Variants in FECH observed in about 807,000 individuals in gnomAD.
FECH encodes the protein ferrochelatase, also known as ferrochelatase, mitochondrial.
FECH carries 40 observed loss-of-function variants against 56.9 expected under a neutral mutation model. That is an observed-to-expected ratio of 0.70 (90% CI 0.55 to 0.92). The LOEUF (loss-of-function observed/expected upper bound fraction) is 0.92, where lower values mean the gene tolerates loss of function less well. Among genes scored for constraint, FECH ranks in the 40% least tolerant of loss-of-function variants. FECH has a pLI of 0.00. For synonymous variants in FECH, 175 were observed against 198.6 expected (o/e 0.88, Z 1.00); for missense variants, 431 against 529.1 (o/e 0.81, Z 1.82).
At chr18:57,563,632 G>A (rs1173406630) in intron 5 of FECH, among the ~76,000 whole-genome samples, 1 of 137,174 alleles carries the variant, frequency 7.3e-6, no homozygotes, top group Non-Finnish European at 1.6e-5. Flanking sequence ...CAGTTACAAA[G>A]GTTATCAATC....
rs1047520726 is a variant in FECH at position 57,547,856 on chromosome 18, G to A, written c.*2856C>T. ...TCCCTATGTTGCCCAGGCTGGTCTT[G>A]AACTCTTGGGATCAAGCAATCCTCC... is the stretch of plus-strand genomic sequence containing the variant. On this transcript the variant is annotated 3_prime_UTR_variant, in exon 11 of 11. Transcript: ENST00000262093. 1.3e-5 allele frequency among the ~76,000 whole-genome samples: 2 copies of A among 151,998 alleles called. No homozygotes were observed. The highest frequency in any genetic ancestry group is 1.3e-4 in the Admixed American group (2 of 15,262).
intron 2 of FECH, among the ~76,000 whole-genome samples, chr18:57,576,938 G>A (rs2051193609): frequency 6.6e-6 from 1 of 152,094 alleles, no homozygotes; most frequent in Admixed American, 6.5e-5. Flanking sequence ...ATATAAAAGT[G>A]TATACAGCAA....
intron 1 of FECH, among the ~76,000 whole-genome samples, chr18:57,582,964 G>A (rs1293861391): frequency 2.0e-5 from 3 of 151,818 alleles, no homozygotes; most frequent in South Asian, 2.1e-4. Flanking sequence ...TTTCCAACTA[G>A]TAGATGAGGA....
chr18:57,582,924 G>A (rs1460452735), intron 1 of FECH, among the ~76,000 whole-genome samples: 4 of 150,606 alleles, frequency 2.7e-5, no homozygotes, highest in African/African-American at 9.8e-5. Context: ...AAAAAAAAAA[G>A]AAGAAGGAAG....
intron 1 of FECH, among the ~76,000 whole-genome samples, chr18:57,581,546 G>A (rs2051278053): frequency 6.6e-6 from 1 of 152,226 alleles, no homozygotes; most frequent in African/African-American, 2.4e-5. Context: ...CTCCTAAGAG[G>A]CAAAGGTGCC....
chr18:57,586,670 C>A lies in FECH; in HGVS notation c.-50G>T. The A allele has an allele frequency of 6.8e-7, 1 of 1,472,002 alleles. No homozygotes were observed. The highest frequency in any genetic ancestry group is 9.0e-7 in the Non-Finnish European group (1 of 1,112,352). The allele number at this position is 1,472,002 out of a possible 1,614,324, so 91.2% of individuals were successfully genotyped here. On this transcript the variant is annotated 5_prime_UTR_variant, in exon 1 of 11. Coordinates refer to ENST00000262093, the MANE Select transcript of FECH (RefSeq NM_000140.5). ...CCGGGCTCCTCCCGCGGCGGCGCGC[C>A]CAGGTGTCCGCCCAGCAGTGGCCGA...
At chr18:57,554,567 T>C in intron 8 of FECH, 143 bp from the exon 9 acceptor site, 1 of 919,420 alleles carries the variant, frequency 1.1e-6, no homozygotes, top group Non-Finnish European at 1.8e-6. Flanking sequence ...TTTGATATTT[T>C]CACATGGAAA....
chr18:57,577,358 C>T (rs1336094159), intron 2 of FECH, among the ~76,000 whole-genome samples: 1 of 152,186 alleles, frequency 6.6e-6, no homozygotes, highest in African/African-American at 2.4e-5. Context: ...TGAATAGCAG[C>T]AAAAGACAGA....
intron 7 of FECH, among the ~76,000 whole-genome samples, chr18:57,555,506 A>G (rs911550635): frequency 2.4e-4 from 37 of 152,194 alleles, no homozygotes; most frequent in African/African-American, 8.2e-4. Context: ...TCCTGCAACA[A>G]TGGACAACAG....
intron 7 of FECH, 94 bp downstream of exon 7, chr18:57,559,051 G>A: frequency 1.2e-6 from 1 of 846,054 alleles, no homozygotes; most frequent in Non-Finnish European, 2.0e-6. Context: ...CTGGGCTTAG[G>A]ACATAATGGA....
chr18:57,566,461 C>A lies in FECH; in HGVS notation c.584G>T (p.Ser195Ile). Residue 195 changes from serine (S) to isoleucine (I), a missense_variant, in exon 5 of 11, where the codon AGC (serine) becomes ATC (isoleucine). Physicochemically the swap from Ser to Ile is moderately radical, Grantham distance 142. Coordinates refer to ENST00000262093, the MANE Select transcript of FECH (RefSeq NM_000140.5). ...AIAFTQYPQYSCSTTGSSLNA... is the reference protein window; with the variant it reads ...AIAFTQYPQYICSTTGSSLNA... ...GATGCCCTTACCTGTGGTGGAGCAG[C>A]TGTACTGTGGATACTGTGTGAAAGC... is the stretch of plus-strand genomic sequence containing the variant. The A allele has an allele frequency of 6.2e-7, 1 of 1,614,204 alleles. No homozygotes were observed. The highest frequency in any genetic ancestry group is 8.5e-7 in the Non-Finnish European group (1 of 1,180,018).
At chr18:57,578,958 C>A (rs534495975) in intron 2 of FECH, among the ~76,000 whole-genome samples, 8 of 139,350 alleles carry the variant, frequency 5.7e-5, no homozygotes, top group African/African-American at 1.6e-4. Context: ...GACTCCCTCT[C>A]AAAAAAAAAA....
chr18:57,550,718 C>T lies in FECH; in HGVS notation c.1266G>A (p.Gln422=). Residue 422 remains glutamine (Q), a synonymous_variant, in exon 11 of 11, where the codon CAG becomes CAA. Transcript: ENST00000262093. The stretch of plus-strand genomic sequence containing the variant: ...CGGGGTCCACCGGCGGGGGTCACAG[C>T]TGCTGGCTGGTGAAGAAGGATTTAG... The part of the protein sequence containing the change: ...RETKSFFTSQ[Q]L 1 of 1,613,998 alleles carries T rather than the reference C, an allele frequency of 6.2e-7. No individual in the cohort carries two copies. The highest frequency in any genetic ancestry group is 8.5e-7 in the Non-Finnish European group (1 of 1,179,966).
chr18:57,552,846 T>A (rs917400817), intron 9 of FECH, among the ~76,000 whole-genome samples: 2 of 152,138 alleles, frequency 1.3e-5, no homozygotes, highest in Non-Finnish European at 2.9e-5. Flanking sequence ...ATAACCAGCG[T>A]TGGTAAAGGG....
rs2050715137 is a variant in FECH at position 57,545,954 on chromosome 18, T to A, written c.*4758A>T. 6.6e-6 allele frequency among the ~76,000 whole-genome samples: 1 copy of A among 152,208 alleles called. No homozygotes were observed. ...TACTGTAGACAGTTGTCCTTCTATA[T>A]TGGCAGGGAATTGGTTCCAGGATCC... On this transcript the variant is annotated 3_prime_UTR_variant, in exon 11 of 11. Coordinates refer to ENST00000262093, the MANE Select transcript of FECH (RefSeq NM_000140.5).
chr18:57,552,084 A>G (rs1212244842), intron 9 of FECH, among the ~76,000 whole-genome samples: 2 of 151,928 alleles, frequency 1.3e-5, no homozygotes, highest in Non-Finnish European at 2.9e-5. Flanking sequence ...AGGTTTCACC[A>G]TGTTGGCCAG....
chr18:57,586,647 G>A lies in FECH; in HGVS notation c.-27C>T. On this transcript the variant is annotated 5_prime_UTR_variant, in exon 1 of 11. Coordinates refer to ENST00000262093, the MANE Select transcript of FECH (RefSeq NM_000140.5). Reference sequence around the variant, plus strand: ...GCCTGGGCAGCCTCGGCCCGAGTCCGGGCTCCTCCCGCGGCGGCGCGCCCA... The same window carrying A: ...GCCTGGGCAGCCTCGGCCCGAGTCCAGGCTCCTCCCGCGGCGGCGCGCCCA... 2 of 1,492,986 alleles carry A rather than the reference G, an allele frequency of 1.3e-6. No homozygotes were observed. Among genetic ancestry groups the A allele is most frequent in the Non-Finnish European group, 8.9e-7 (1 of 1,127,686 alleles). 92.5% of individuals were successfully genotyped at this position (1,492,986 alleles called of 1,614,324 possible).
Position 57,546,211 on chromosome 18 carries a change from G to C in FECH, c.*4501C>G, listed in dbSNP as rs1244608402. Among the ~76,000 whole-genome samples, 1 of 152,212 alleles carries C rather than the reference G, an allele frequency of 6.6e-6. No homozygotes were observed. Among genetic ancestry groups the C allele is most frequent in the Non-Finnish European group, 1.5e-5 (1 of 68,042 alleles). ...GTTTCAGGTGAGGTGAGAAGGTTAA[G>C]AGGTGAATTGGAGGTTCTTGGCTGA... On this transcript the variant is annotated 3_prime_UTR_variant, in exon 11 of 11. Coordinates refer to ENST00000262093, the MANE Select transcript of FECH (RefSeq NM_000140.5).
chr18:57,557,492 C>T (rs1358942937), intron 7 of FECH, among the ~76,000 whole-genome samples: 1 of 152,128 alleles, frequency 6.6e-6, no homozygotes, highest in Admixed American at 6.5e-5. Context: ...CAAGGCAGCA[C>T]CGGAATCCCC....
Sources: gnomAD v4.1 joint callset for allele counts (sites outside exome capture counted in the v4.1 genomes callset) on GRCh38, gnomAD v4.1.1 for gene constraint, MANE v1.5 for transcripts, NCBI Gene and HGNC (gene_info 2026-07-23, HGNC 2026-07-21) for gene names.